PPP2R2C: variants seen among roughly 807,000 people sequenced by gnomAD.
PPP2R2C encodes protein phosphatase 2 regulatory subunit Bgamma.
In PPP2R2C, 10 loss-of-function variants were observed where a neutral mutation model predicts 45.3. That is an observed-to-expected ratio of 0.22 (90% CI 0.14 to 0.37). The LOEUF (loss-of-function observed/expected upper bound fraction) is 0.37, where lower values mean the gene tolerates loss of function less well. Among genes scored for constraint, PPP2R2C ranks in the 10% least tolerant of loss-of-function variants. The probability of loss-of-function intolerance (pLI) is 1.00; values close to 1 mark genes in which losing one functional copy is unlikely to be tolerated. For missense variants in PPP2R2C, 308 were observed against 619.7 expected, an observed-to-expected ratio of 0.50 and a Z score of 5.34; for synonymous variants, 257 against 245.4, an observed-to-expected ratio of 1.05 and a Z score of -0.44.
chr4:6,532,643 G>A (rs1724443510), intron 2 of PPP2R2C, among the ~76,000 whole-genome samples: 1 of 152,232 alleles, frequency 6.6e-6, no homozygotes. Flanking sequence ...ACAAGGAACA[G>A]AAATGTCCAA....
At chr4:6,510,720 G>A (rs1723400351) in intron 2 of PPP2R2C, among the ~76,000 whole-genome samples, 1 of 152,178 alleles carries the variant, frequency 6.6e-6, no homozygotes, top group Non-Finnish European at 1.5e-5. Context: ...TCTCACGCCT[G>A]TAATCCCAGC....
At chr4:6,425,518 G>A (rs895244543) in intron 1 of PPP2R2C, among the ~76,000 whole-genome samples, 18 of 152,222 alleles carry the variant, frequency 1.2e-4, no homozygotes, top group African/African-American at 3.1e-4. Context: ...GAATCAGCCC[G>A]AGAGCACAGC....
chr4:6,477,355 C>T (rs1722197748), upstream of PPP2R2C, among the ~76,000 whole-genome samples: 1 of 152,212 alleles, frequency 6.6e-6, no homozygotes, highest in Non-Finnish European at 1.5e-5. Context: ...CCCTGTTGAT[C>T]CACAACCTTC....
intron 1 of PPP2R2C, among the ~76,000 whole-genome samples, chr4:6,416,884 G>T (rs1385082920): frequency 6.6e-6 from 1 of 152,242 alleles, no homozygotes; most frequent in African/African-American, 2.4e-5. Flanking sequence ...CCCCTGTCGG[G>T]GGGAGACTGA....
intron 1 of PPP2R2C, among the ~76,000 whole-genome samples, chr4:6,409,351 C>T (rs1341114664): frequency 6.6e-6 from 1 of 152,144 alleles, no homozygotes; most frequent in Non-Finnish European, 1.5e-5. Context: ...CAGCTGACTC[C>T]CAGGCCAGAG....
intron 2 of PPP2R2C, among the ~76,000 whole-genome samples, chr4:6,501,648 G>A (rs1293622804): frequency 6.6e-6 from 1 of 152,204 alleles, no homozygotes; most frequent in Non-Finnish European, 1.5e-5. Context: ...GAAGCAATGG[G>A]GGAAAGGAGG....
At chr4:6,360,576 G>C (rs1025411953) in intron 5 of PPP2R2C, among the ~76,000 whole-genome samples, 1 of 152,198 alleles carries the variant, frequency 6.6e-6, no homozygotes, top group African/African-American at 2.4e-5. Context: ...GCCACAAAAG[G>C]ACTCACGCAT....
At chr4:6,493,730 C>T (rs766544176) in intron 2 of PPP2R2C, among the ~76,000 whole-genome samples, 5 of 152,096 alleles carry the variant, frequency 3.3e-5, no homozygotes, top group Admixed American at 6.6e-5. Flanking sequence ...GACCTGGCTT[C>T]GCCCTCATTG....
At chr4:6,511,618 A>G (rs368485417) in intron 2 of PPP2R2C, among the ~76,000 whole-genome samples, 34 of 2,462 alleles carry the variant, frequency 0.014, no homozygotes, top group African/African-American at 0.024. Flanking sequence ...GGTGGTGGTG[A>G]TGGTGGTGGT....
intron 1 of PPP2R2C, chr4:6,421,141 G>A (rs1560535857): frequency 2.0e-6 from 2 of 984,648 alleles, no homozygotes; most frequent in Non-Finnish European, 2.4e-6. Context: ...CCTAGGCTCA[G>A]CCCATCACAC....
At chr4:6,527,355 A>G (rs1724243669) in intron 2 of PPP2R2C, among the ~76,000 whole-genome samples, 1 of 152,140 alleles carries the variant, frequency 6.6e-6, no homozygotes, top group Non-Finnish European at 1.5e-5. Flanking sequence ...GTGTGAGATA[A>G]ACCCACAGAG....
At chr4:6,516,243 T>C (rs1214232879) in intron 2 of PPP2R2C, among the ~76,000 whole-genome samples, 2 of 152,208 alleles carry the variant, frequency 1.3e-5, no homozygotes, top group African/African-American at 4.8e-5. Context: ...CTGCCCATCG[T>C]CCTCCACACA....
rs80005200 is a variant in PPP2R2C at position 6,427,598 on chromosome 4, G to A, written c.70+44562C>T. ...AGCCTTCTTCTTGCCCTCCTCAGTG[G>A]CTCCTTCCCCTGTGAGCCCTTTCCA... is the stretch of plus-strand genomic sequence containing the variant. On this transcript the variant is annotated intron_variant, in intron 1 of 8. Transcript: ENST00000382599. Among the ~76,000 whole-genome samples the A allele has an allele frequency of 4.6e-5, 7 of 152,292 alleles. No individual in the cohort carries two copies. The East Asian group carries it at 1.2e-3, about 25-fold the overall frequency.
chr4:6,485,696 T>C (rs1252110798), intron 2 of PPP2R2C, among the ~76,000 whole-genome samples: 6 of 151,916 alleles, frequency 3.9e-5, no homozygotes, highest in African/African-American at 1.4e-4. Context: ...TTTTAATGAC[T>C]GCTGAATATA....
At chr4:6,363,377 G>T (rs1195124470) in intron 5 of PPP2R2C, among the ~76,000 whole-genome samples, 2 of 152,074 alleles carry the variant, frequency 1.3e-5, no homozygotes, top group African/African-American at 4.8e-5. Context: ...AGGAGATCGA[G>T]ACCATCCTGG....
At chr4:6,367,942 G>T (rs988279254) in intron 5 of PPP2R2C, among the ~76,000 whole-genome samples, 2 of 152,206 alleles carry the variant, frequency 1.3e-5, no homozygotes, top group Non-Finnish European at 2.9e-5. Flanking sequence ...TCAGAATCTT[G>T]TTCATGCTAT....
At chr4:6,531,608 T>C (rs1045124328) in intron 2 of PPP2R2C, among the ~76,000 whole-genome samples, 3 of 151,892 alleles carry the variant, frequency 2.0e-5, no homozygotes, top group Non-Finnish European at 1.5e-5. Flanking sequence ...TAAATGTCCA[T>C]GTTTCACAAC....
intron 8 of PPP2R2C, among the ~76,000 whole-genome samples, chr4:6,326,660 T>G (rs1471670008): frequency 6.6e-6 from 1 of 152,214 alleles, no homozygotes; most frequent in Non-Finnish European, 1.5e-5. Context: ...AAGGCCAGTT[T>G]CCTAGAACCA....
chr4:6,347,472 G>A (rs894740552), intron 6 of PPP2R2C, among the ~76,000 whole-genome samples: 2 of 152,150 alleles, frequency 1.3e-5, no homozygotes, highest in South Asian at 4.1e-4. Context: ...TTGGAAGAGG[G>A]AAGCTTTGGG....
Sources: gnomAD v4.1 joint callset for allele counts (sites outside exome capture counted in the v4.1 genomes callset) on GRCh38, gnomAD v4.1.1 for gene constraint, MANE v1.5 for transcripts, NCBI Gene and HGNC (gene_info 2026-07-23, HGNC 2026-07-21) for gene names.